The following AKAP10 variants were observed in gnomAD, a reference collection of about 807,000 sequenced individuals.
AKAP10 encodes the protein A-kinase anchoring protein 10.
A neutral mutation model predicts 80.8 loss-of-function variants in AKAP10; 24 were observed. The ratio of observed to expected loss-of-function variants is 0.30; its 90% CI spans 0.22 to 0.42. The LOEUF (loss-of-function observed/expected upper bound fraction) is 0.42. Ranked by LOEUF, AKAP10 falls within the 10% of genes least tolerant of loss-of-function variation. The pLI, the probability that AKAP10 is intolerant of heterozygous loss-of-function variation, is 1.00. For synonymous variants in AKAP10, 291 were observed against 277.7 expected (o/e 1.05, Z -0.48); for missense variants, 661 against 794.9 (o/e 0.83, Z 2.03).
In AKAP10 at chr17:19,947,591, T is replaced by A. The variant is rs1040378995; in HGVS notation, c.878-86A>T. The A allele has an allele frequency of 1.3e-5, 12 of 894,144 alleles. No individual in the cohort carries two copies. The African/African-American group carries it at 1.8e-4, about 14-fold the overall frequency. 55.4% of individuals were successfully genotyped at this position (894,144 alleles called of 1,614,324 possible). A position where few individuals can be genotyped will look rare whatever the true frequency, so the allele number is the denominator to read the frequency against. ...ATATTCATGAATAGCAGGGCTTAGATCACTGTGAGTTCCTATTGCAAAATA... is the reference window on the plus strand; with the variant it reads ...ATATTCATGAATAGCAGGGCTTAGAACACTGTGAGTTCCTATTGCAAAATA... On this transcript the variant is annotated intron_variant, in intron 4 of 14. Transcript: ENST00000225737.
At chr17:19,939,000 G>C (rs1421671431) in intron 8 of AKAP10, among the ~76,000 whole-genome samples, 2 of 152,106 alleles carry the variant, frequency 1.3e-5, no homozygotes, top group South Asian at 4.1e-4. Flanking sequence ...TCAAAGTGTT[G>C]TGATTACAGG....
chr17:19,920,855 C>CAAAAA lies in AKAP10; in HGVS notation c.1752-742_1752-738dup, dbSNP rs61148312. On this transcript the variant is annotated intron_variant, in intron 11 of 14. Transcript: ENST00000225737. ...TGGGCAACAGAGCAAGACTCTATCT[C>CAAAAA]AAAAAAAAAAAAAAAAAAAAAAAAA... Among the ~76,000 whole-genome samples, 47 of 35,314 alleles carry CAAAAA rather than the reference C, an allele frequency of 1.3e-3. 1 individual carries two copies. The highest frequency in any genetic ancestry group is 2.3e-3 in the African/African-American group (20 of 8,602). The allele number at this position is 35,314 out of a possible 152,430, so 23.2% of individuals were successfully genotyped here.
Position 19,906,054 on chromosome 17 carries a change from C to T in AKAP10, c.*173G>A, listed in dbSNP as rs976382849. ...ACATCATGTGCATCAATTATGCCTA[C>T]AGGTAACTGCATTATGGTGGAAGTC... On this transcript the variant is annotated 3_prime_UTR_variant, in exon 15 of 15. Coordinates refer to ENST00000225737, the MANE Select transcript of AKAP10 (RefSeq NM_007202.4). 2 of 636,366 alleles carry T rather than the reference C, an allele frequency of 3.1e-6. No individual in the cohort carries two copies. The highest frequency in any genetic ancestry group is 2.7e-6 in the Non-Finnish European group (1 of 369,980). The allele number at this position is 636,366 out of a possible 1,614,324, so 39.4% of individuals were successfully genotyped here. A position where few individuals can be genotyped will look rare whatever the true frequency, so the allele number is the denominator to read the frequency against.
rs889138988 is a variant in AKAP10 at position 19,905,273 on chromosome 17, G to A, written c.*954C>T. On this transcript the variant is annotated 3_prime_UTR_variant, in exon 15 of 15. Coordinates refer to ENST00000225737, the MANE Select transcript of AKAP10 (RefSeq NM_007202.4). ...AAGACGACCAACTGCACACTTTCCA[G>A]CTCACAGCAAAGAATGGGGGAGGCA... 1 of 151,528 alleles carries A rather than the reference G, an allele frequency of 6.6e-6. No individual in the cohort carries two copies. The highest frequency in any genetic ancestry group is 1.5e-5 in the Non-Finnish European group (1 of 67,948). The allele number at this position is 151,528 out of a possible 1,614,324, so 9.4% of individuals were successfully genotyped here. A position where few individuals can be genotyped will look rare whatever the true frequency, so the allele number is the denominator to read the frequency against.
In AKAP10 at chr17:19,962,958, T is replaced by C; in HGVS notation, c.201A>G (p.Gly67=). 6.2e-7 allele frequency: 1 copy of C among 1,613,922 alleles called. No homozygotes were observed. The highest frequency in any genetic ancestry group is 8.5e-7 in the Non-Finnish European group (1 of 1,179,842). The change falls in exon 3 of 15, where the codon GGA becomes GGG. Residue 67 remains glycine (G), a synonymous_variant. Coordinates refer to ENST00000225737, the MANE Select transcript of AKAP10 (RefSeq NM_007202.4). ...TGGCATTGATTGCAACATGACTTGGTCCTGCAGCCTCCAGCAAGGCATGAT... is the reference window on the plus strand; with the variant it reads ...TGGCATTGATTGCAACATGACTTGGCCCTGCAGCCTCCAGCAAGGCATGAT... ...TKNHALLEAA[G]PSHVAINAIS...
chr17:19,941,360 T>C (rs1271574112), intron 6 of AKAP10, among the ~76,000 whole-genome samples: 2 of 152,202 alleles, frequency 1.3e-5, no homozygotes, highest in Non-Finnish European at 2.9e-5. Flanking sequence ...AAAGAATGAA[T>C]AGATTTTTTT....
chr17:19,947,892 G>T (rs112546576), intron 4 of AKAP10, among the ~76,000 whole-genome samples: 4 of 152,028 alleles, frequency 2.6e-5, no homozygotes, highest in African/African-American at 9.6e-5. Flanking sequence ...TCAAATTTAT[G>T]GTGAAGCTTG....
chr17:19,972,812 T>G (rs1021511544), intron 1 of AKAP10, among the ~76,000 whole-genome samples: 1 of 152,200 alleles, frequency 6.6e-6, no homozygotes, highest in Non-Finnish European at 1.5e-5. Context: ...TTTTCCTGTG[T>G]CTTATTTTAA....
At position 19,958,319 on chromosome 17, in the gene AKAP10, T is replaced by C. The variant is rs1169290269; in HGVS notation, c.572A>G (p.Lys191Arg). Residue 191 changes from lysine to arginine, a missense_variant, in exon 4 of 15, where the codon AAG (lysine) becomes AGG (arginine). Transcript: ENST00000225737. The part of the protein sequence containing the change: ...SLAEPVSPSK[K>R]HETTASFLTD... ...TAAAAAAGACGCTGTAGTTTCATGCTTTTTAGATGGAGAGACAGGCTCAGC... is the reference window on the plus strand; with the variant it reads ...TAAAAAAGACGCTGTAGTTTCATGCCTTTTAGATGGAGAGACAGGCTCAGC... The C allele has an allele frequency of 6.2e-7, 1 of 1,614,246 alleles. No homozygotes were observed. Among genetic ancestry groups the C allele is most frequent in the Non-Finnish European group, 8.5e-7 (1 of 1,180,034 alleles).
In AKAP10 at chr17:19,906,198, A is replaced by G. The variant is rs764676780; in HGVS notation, c.*29T>C. ...GAAAAAAGTTCTCTTATTTTTCACA[A>G]GCAGATTTCCTTTATCTCAAGTTTT... On this transcript the variant is annotated 3_prime_UTR_variant, in exon 15 of 15. Transcript: ENST00000225737. 4 of 1,603,778 alleles carry G rather than the reference A, an allele frequency of 2.5e-6. No homozygotes were observed. The highest frequency in any genetic ancestry group is 2.6e-6 in the Non-Finnish European group (3 of 1,173,486).
At position 19,957,897 on chromosome 17, in the gene AKAP10, T is replaced by C. The variant is rs2043298571; in HGVS notation, c.877+117A>G. ...CTCCAAATTCTCCCAAATTTACAAG[T>C]AGTTAGAGGAGAAAAAAAATATTCC... is the stretch of plus-strand genomic sequence containing the variant. On this transcript the variant is annotated intron_variant, in intron 4 of 14. Coordinates refer to ENST00000225737, the MANE Select transcript of AKAP10 (RefSeq NM_007202.4). 6 of 1,098,294 alleles carry C rather than the reference T, an allele frequency of 5.5e-6. No homozygotes were observed. The South Asian group carries it at 8.1e-5, about 15-fold the overall frequency. 68.0% of individuals were successfully genotyped at this position (1,098,294 alleles called of 1,614,324 possible).
intron 12 of AKAP10, among the ~76,000 whole-genome samples, chr17:19,912,349 C>G (rs1209534823): frequency 6.6e-6 from 1 of 152,156 alleles, no homozygotes; most frequent in East Asian, 1.9e-4. Context: ...CCAGCCTGGT[C>G]AACATAGTGA....
chr17:19,920,607 C>T (rs1022427721), intron 11 of AKAP10, among the ~76,000 whole-genome samples: 3 of 152,060 alleles, frequency 2.0e-5, no homozygotes, highest in African/African-American at 7.2e-5. Context: ...CTTTGGGATG[C>T]CGAGGCAGGC....
chr17:19,944,730 AC>A (rs1420356163), intron 5 of AKAP10, among the ~76,000 whole-genome samples: 21 of 152,136 alleles, frequency 1.4e-4, no homozygotes, highest in African/African-American at 4.8e-4. Flanking sequence ...TCACTTCCAA[AC>A]CATCAGCAAA....
At position 19,904,481 on chromosome 17, in the gene AKAP10, A is replaced by C. The variant is rs950456656; in HGVS notation, c.*1746T>G. The C allele has an allele frequency of 6.6e-6, 1 of 152,252 alleles. No individual in the cohort carries two copies. The highest frequency in any genetic ancestry group is 1.5e-5 in the Non-Finnish European group (1 of 68,038). 9.4% of individuals were successfully genotyped at this position (152,252 alleles called of 1,614,324 possible). On this transcript the variant is annotated 3_prime_UTR_variant, in exon 15 of 15. Coordinates refer to ENST00000225737, the MANE Select transcript of AKAP10 (RefSeq NM_007202.4). ...CATGCAGAGGCAGCAAGAGTTGCCC[A>C]AAACCACATTTTATTCTATAACCTT...
chr17:19,913,530 G>A (rs1296473187), intron 12 of AKAP10, among the ~76,000 whole-genome samples: 5 of 152,152 alleles, frequency 3.3e-5, no homozygotes, highest in Non-Finnish European at 7.4e-5. Context: ...TCAGTGATCC[G>A]CTCGCCTTGG....
At chr17:19,940,864 G>A in intron 7 of AKAP10, 23 bp downstream of exon 7, 1 of 1,580,804 alleles carries the variant, frequency 6.3e-7, no homozygotes, top group Non-Finnish European at 8.6e-7. Context: ...CGAATAGAGT[G>A]TGAAAAGAAA....
At chr17:19,951,837 G>C (rs1345144841) in intron 4 of AKAP10, among the ~76,000 whole-genome samples, 1 of 148,668 alleles carries the variant, frequency 6.7e-6, no homozygotes, top group Non-Finnish European at 1.5e-5. Flanking sequence ...CTCAACTATT[G>C]TCCTATGACC....
At chr17:19,936,027 C>A in intron 9 of AKAP10, 1 of 294,886 alleles carries the variant, frequency 3.4e-6, no homozygotes, top group Non-Finnish European at 6.2e-6. Flanking sequence ...TTTTTTCTAA[C>A]TTTTGTTATT....
Sources: gnomAD v4.1 joint callset for allele counts (sites outside exome capture counted in the v4.1 genomes callset) on GRCh38, gnomAD v4.1.1 for gene constraint, MANE v1.5 for transcripts, NCBI Gene and HGNC (gene_info 2026-07-23, HGNC 2026-07-21) for gene names.